The following NTRK2 variants were observed in gnomAD, a reference collection of about 807,000 sequenced individuals.
NTRK2 encodes the protein neurotrophic receptor tyrosine kinase 2, also known as BDNF/NT-3 growth factors receptor.
NTRK2 carries 13 observed loss-of-function variants against 94.5 expected under a neutral mutation model. The ratio of observed to expected loss-of-function variants is 0.14; its 90% CI spans 0.09 to 0.22. NTRK2 has a LOEUF of 0.22. NTRK2 is among the 10% of genes least tolerant of loss of function. The probability of loss-of-function intolerance (pLI) is 1.00; values close to 1 mark genes in which losing one functional copy is unlikely to be tolerated. For synonymous variants in NTRK2, 372 were observed against 407.4 expected (o/e 0.91, Z 1.05); for missense variants, 639 against 1,071.2 (o/e 0.60, Z 5.63).
intron 9 of NTRK2, 55 bp downstream of exon 9, chr9:84,728,014 G>C: frequency 6.5e-7 from 1 of 1,536,028 alleles, no homozygotes. Flanking sequence ...TCATTCACCT[G>C]TTGACAAAAT....
intron 12 of NTRK2, among the ~76,000 whole-genome samples, chr9:84,781,432 A>G (rs1185495137): frequency 6.6e-6 from 1 of 152,066 alleles, no homozygotes; most frequent in African/African-American, 2.4e-5. Context: ...CTTTTTTCTT[A>G]CTCATATAAT....
At chr9:84,804,534 A>T (rs1335591925) in intron 12 of NTRK2, among the ~76,000 whole-genome samples, 1 of 152,216 alleles carries the variant, frequency 6.6e-6, no homozygotes, top group African/African-American at 2.4e-5. Context: ...GATTTTATAT[A>T]GTTATAGGTT....
rs1194954580 is a variant in NTRK2 at position 84,948,567 on chromosome 9, G to T, written c.1870G>T (p.Val624Leu). ...EHIVKFYGVC[V>L]EGDPLIMVFE... ...CATCGTCAAGTTCTATGGCGTCTGC[G>T]TGGAGGGCGACCCCCTCATCATGGT... The change falls in exon 16 of 19, where the codon GTG becomes TTG. Residue 624 changes from valine (V) to leucine (L), a missense_variant. Around this residue, in one of 5 missense-constraint regions of NTRK2, gnomAD observed 343 missense variants for 571.5 expected, o/e 0.60. Transcript: ENST00000277120. 1 of 1,613,958 alleles carries T rather than the reference G, an allele frequency of 6.2e-7. No homozygotes were observed. The highest frequency in any genetic ancestry group is 8.5e-7 in the Non-Finnish European group (1 of 1,180,020).
chr9:84,973,765 C>A (rs936423673), intron 17 of NTRK2, among the ~76,000 whole-genome samples: 4 of 152,148 alleles, frequency 2.6e-5, no homozygotes, highest in Non-Finnish European at 4.4e-5. Context: ...TTCTAAAGTC[C>A]TTTCAGCTCT....
rs1286653170 is a variant in NTRK2, at chr9:84,895,136, T to C, written c.1633+27705T>C. ...AAGCACAGGAGGCTCGTGGACTTCG[T>C]ACTCTTAAAAAGTCTTTTAAAAAAT... On this transcript the variant is annotated intron_variant, in intron 14 of 18. Coordinates refer to ENST00000277120, the MANE Select transcript of NTRK2 (RefSeq NM_006180.6). Among the ~76,000 whole-genome samples, 3 of 152,208 alleles carry C rather than the reference T, an allele frequency of 2.0e-5. No homozygotes were observed. In the East Asian group the frequency reaches 5.8e-4, roughly 29 times the overall value.
chr9:84,818,113 G>A (rs1455074578), intron 12 of NTRK2, among the ~76,000 whole-genome samples: 1 of 152,160 alleles, frequency 6.6e-6, no homozygotes, highest in Admixed American at 6.5e-5. Flanking sequence ...ACAACCTTAT[G>A]AGGCCAAAGC....
chr9:84,871,461 C>A (rs1441486626), intron 14 of NTRK2, among the ~76,000 whole-genome samples: 1 of 152,170 alleles, frequency 6.6e-6, no homozygotes, highest in African/African-American at 2.4e-5. Flanking sequence ...CTTGAAGGAT[C>A]AATGAATAAA....
chr9:84,676,528 A>G lies in NTRK2; in HGVS notation c.212+5568A>G, dbSNP rs536541646. Among the ~76,000 whole-genome samples, 39 of 152,314 alleles carry G rather than the reference A, an allele frequency of 2.6e-4. No homozygotes were observed. The East Asian group carries it at 6.2e-3, about 24-fold the overall frequency. On this transcript the variant is annotated intron_variant, in intron 2 of 18. Coordinates refer to ENST00000277120, the MANE Select transcript of NTRK2 (RefSeq NM_006180.6). The stretch of plus-strand genomic sequence containing the variant: ...TAGAATCGGAACCTCAGAAAGAGAA[A>G]GGGCTTTAGAAATGATCTGCTTCAG...
At chr9:84,980,004 A>G (rs768737624) in intron 17 of NTRK2, among the ~76,000 whole-genome samples, 11 of 152,248 alleles carry the variant, frequency 7.2e-5, no homozygotes, top group Admixed American at 4.6e-4. Context: ...GAACTTGTGT[A>G]AGCACGGGAA....
chr9:84,851,646 G>C (rs1452791973), intron 12 of NTRK2, among the ~76,000 whole-genome samples: 1 of 152,088 alleles, frequency 6.6e-6, no homozygotes, highest in Non-Finnish European at 1.5e-5. Flanking sequence ...TCACTAAAAA[G>C]AAAGACAAAG....
intron 12 of NTRK2, among the ~76,000 whole-genome samples, chr9:84,787,458 A>T (rs1309400351): frequency 6.6e-6 from 1 of 152,206 alleles, no homozygotes; most frequent in East Asian, 1.9e-4. Flanking sequence ...CTGGCTCTTT[A>T]TTCATCCATA....
chr9:84,745,230 G>T (rs2063964394), intron 11 of NTRK2, among the ~76,000 whole-genome samples, 157 bp downstream of exon 11: 1 of 152,068 alleles, frequency 6.6e-6, no homozygotes, highest in African/African-American at 2.4e-5. Flanking sequence ...CTTAACAAAA[G>T]TGATAAAGGT....
chr9:84,813,057 A>G (rs2071990524), intron 12 of NTRK2: 1 of 1,038,618 alleles, frequency 9.6e-7, no homozygotes, highest in Non-Finnish European at 1.2e-6. Flanking sequence ...CCCATAAGAA[A>G]TGTGCTTTTT....
At chr9:84,750,280 A>T (rs1024080789) in intron 11 of NTRK2, among the ~76,000 whole-genome samples, 2 of 152,186 alleles carry the variant, frequency 1.3e-5, no homozygotes, top group Non-Finnish European at 2.9e-5. Context: ...CTGGTTGAGA[A>T]ACACTGCCTT....
intron 14 of NTRK2, among the ~76,000 whole-genome samples, chr9:84,914,742 C>T (rs2132519643): frequency 6.6e-6 from 1 of 152,234 alleles, no homozygotes. Flanking sequence ...TTTTTCTGTG[C>T]CCACTGGCAT....
chr9:84,780,035 G>A (rs1201027646), intron 12 of NTRK2, among the ~76,000 whole-genome samples: 1 of 151,734 alleles, frequency 6.6e-6, no homozygotes, highest in Non-Finnish European at 1.5e-5. Context: ...ATTATAATGG[G>A]ACTCTGCGGT....
intron 16 of NTRK2, 147 bp downstream of exon 16, chr9:84,948,781 A>AG (rs1308741894): frequency 1.5e-6 from 1 of 677,218 alleles, no homozygotes; most frequent in African/African-American, 1.8e-5. Flanking sequence ...CAGAGAAAGG[A>AG]GGAGAGAAAA....
At chr9:84,925,856 T>C (rs2077746623) in intron 14 of NTRK2, among the ~76,000 whole-genome samples, 1 of 152,122 alleles carries the variant, frequency 6.6e-6, no homozygotes, top group Non-Finnish European at 1.5e-5. Context: ...TGCTCAAAGG[T>C]CTTCAATAGC....
intron 12 of NTRK2, among the ~76,000 whole-genome samples, chr9:84,832,085 G>A (rs1160370829): frequency 1.3e-5 from 2 of 152,106 alleles, no homozygotes; most frequent in African/African-American, 2.4e-5. Context: ...TTTCCACCTT[G>A]ACCTTCAGAA....
Sources: gnomAD v4.1 joint callset for allele counts (sites outside exome capture counted in the v4.1 genomes callset) on GRCh38, gnomAD v4.1.1 for gene constraint, gnomAD v4.1.1 regional missense constraint, MANE v1.5 for transcripts, NCBI Gene and HGNC (gene_info 2026-07-23, HGNC 2026-07-21) for gene names.